Variants in TNRC6A observed in about 807,000 individuals in gnomAD.
TNRC6A encodes trinucleotide repeat containing adaptor 6A.
A neutral mutation model predicts 221.2 loss-of-function variants in TNRC6A; 44 were observed. That is an observed-to-expected ratio of 0.20 (90% CI 0.16 to 0.26). The LOEUF (loss-of-function observed/expected upper bound fraction) is 0.26. Among genes scored for constraint, TNRC6A ranks in the 10% least tolerant of loss-of-function variants. The probability of loss-of-function intolerance (pLI) is 1.00; values close to 1 mark genes in which losing one functional copy is unlikely to be tolerated. For synonymous variants in TNRC6A, 847 were observed against 838.5 expected (o/e 1.01, Z -0.18); for missense variants, 2,199 against 2,404.4 (o/e 0.91, Z 1.79).
chr16:24,631,930 A>G (rs1008791284), intron 1 of TNRC6A, among the ~76,000 whole-genome samples: 10 of 151,990 alleles, frequency 6.6e-5, no homozygotes, highest in Admixed American at 5.2e-4. Context: ...TAGATCATAG[A>G]TCACTGCAGC....
chr16:24,615,434 T>A (rs1281229373), intron 1 of TNRC6A, among the ~76,000 whole-genome samples: 1 of 152,052 alleles, frequency 6.6e-6, no homozygotes, highest in Non-Finnish European at 1.5e-5. Context: ...CCAGCTGAGA[T>A]CACTTAGAGA....
chr16:24,766,674 CTTTTTTTTTTT>C (rs397972605), intron 4 of TNRC6A, among the ~76,000 whole-genome samples: 1 of 121,414 alleles, frequency 8.2e-6, no homozygotes, highest in Non-Finnish European at 1.7e-5. Flanking sequence ...TTCTTTTTAT[CTTTTTTTTTTT>C]TTTTTTTTTG....
At position 24,820,055 on chromosome 16, in the gene TNRC6A, G is replaced by A; in HGVS notation, c.5081-84G>A. 6 of 1,288,536 alleles carry A rather than the reference G, an allele frequency of 4.7e-6. No homozygotes were observed. In the South Asian group the frequency reaches 8.0e-5, roughly 17 times the overall value. The allele number at this position is 1,288,536 out of a possible 1,614,324, so 79.8% of individuals were successfully genotyped here. ...CTTTTGTTTGTTAGATTTGCTTTTTGTGGGAGAATGGATGTCATTATTTAA... is the reference window on the plus strand; with the variant it reads ...CTTTTGTTTGTTAGATTTGCTTTTTATGGGAGAATGGATGTCATTATTTAA... On this transcript the variant is annotated intron_variant, in intron 21 of 24. Coordinates refer to ENST00000395799, the MANE Select transcript of TNRC6A (RefSeq NM_014494.4).
intron 1 of TNRC6A, among the ~76,000 whole-genome samples, chr16:24,639,722 C>T (rs564345094): frequency 1.3e-5 from 2 of 152,220 alleles, no homozygotes; most frequent in East Asian, 3.9e-4. Context: ...CTCACTGTAG[C>T]CTCCATCTCC....
At chr16:24,694,950 T>C (rs2055828442) in intron 2 of TNRC6A, among the ~76,000 whole-genome samples, 1 of 152,088 alleles carries the variant, frequency 6.6e-6, no homozygotes, top group South Asian at 2.1e-4. Flanking sequence ...TTGGAATCAC[T>C]GTGAGCCATC....
intron 1 of TNRC6A, among the ~76,000 whole-genome samples, chr16:24,617,703 A>G (rs1372294272): frequency 2.6e-5 from 4 of 151,994 alleles, no homozygotes; most frequent in South Asian, 2.1e-4. Flanking sequence ...TAAATAACTC[A>G]CCCAGAGTCA....
At chr16:24,668,327 A>G (rs945437769) in intron 2 of TNRC6A, among the ~76,000 whole-genome samples, 82 of 152,096 alleles carry the variant, frequency 5.4e-4, no homozygotes, top group African/African-American at 1.9e-3. Flanking sequence ...CTGGGCAACA[A>G]AAGCAAAACT....
chr16:24,816,473 T>A (rs1775640998), intron 19 of TNRC6A: 2 of 192,758 alleles, frequency 1.0e-5, no homozygotes, highest in African/African-American at 4.7e-5. Context: ...ACCACTACAC[T>A]CCAACCTGGG....
chr16:24,738,845 TTTTG>T, intron 2 of TNRC6A, among the ~76,000 whole-genome samples: 1 of 152,294 alleles, frequency 6.6e-6, no homozygotes, highest in Admixed American at 6.5e-5. Context: ...TTTGTTTAAC[TTTTG>T]TTTGTGTTGT....
chr16:24,812,316 T>C (rs2058563419), intron 18 of TNRC6A, among the ~76,000 whole-genome samples: 1 of 152,108 alleles, frequency 6.6e-6, no homozygotes, highest in South Asian at 2.1e-4. Flanking sequence ...CCTGCCAAAG[T>C]GCTGAGATTA....
chr16:24,643,902 T>C (rs1177267019), intron 2 of TNRC6A, among the ~76,000 whole-genome samples: 1 of 152,112 alleles, frequency 6.6e-6, no homozygotes, highest in African/African-American at 2.4e-5. Context: ...TTCTTGAACT[T>C]GGCTCCTTCA....
chr16:24,804,281 A>G lies in TNRC6A; in HGVS notation c.3799A>G (p.Lys1267Glu), dbSNP rs1158618908. The G allele has an allele frequency of 1.2e-6, 2 of 1,613,656 alleles. No homozygotes were observed. The highest frequency in any genetic ancestry group is 4.5e-5 in the East Asian group (2 of 44,882). Reference protein sequence around the residue: ...KGPGSRPQISKESSMERNPYF... With the variant: ...KGPGSRPQISEESSMERNPYF... Reference sequence around the variant, plus strand: ...CCCTGGTTCTCGGCCTCAGATTTCCAAAGAGTCTTCCATGGAGCGCAATCC... The same window carrying G: ...CCCTGGTTCTCGGCCTCAGATTTCCGAAGAGTCTTCCATGGAGCGCAATCC... Residue 1267 changes from lysine to glutamate, a missense_variant, in exon 12 of 25, where the codon AAA (lysine) becomes GAA (glutamate). Around this residue, in one of 8 missense-constraint regions of TNRC6A, gnomAD observed 158 missense variants for 159.1 expected, o/e 0.99. Coordinates refer to ENST00000395799, the MANE Select transcript of TNRC6A (RefSeq NM_014494.4).
intron 2 of TNRC6A, among the ~76,000 whole-genome samples, chr16:24,654,561 G>A (rs190300287): frequency 1.8e-4 from 27 of 151,882 alleles, no homozygotes; most frequent in African/African-American, 4.6e-4. Flanking sequence ...ACAAAAATTC[G>A]CCAAGCATGG....
At chr16:24,743,055 G>GT (rs1249915733) in intron 2 of TNRC6A, among the ~76,000 whole-genome samples, 1 of 152,180 alleles carries the variant, frequency 6.6e-6, no homozygotes, top group Non-Finnish European at 1.5e-5. Context: ...TAGGATTTGG[G>GT]TGGGTAGATG....
chr16:24,660,508 C>T (rs994895490), intron 2 of TNRC6A, among the ~76,000 whole-genome samples: 7 of 151,930 alleles, frequency 4.6e-5, no homozygotes, highest in African/African-American at 1.7e-4. Flanking sequence ...GTTGATTCCA[C>T]ATTTTTGCAG....
Position 24,822,183 on chromosome 16 carries a change from G to A in TNRC6A, c.5373+36G>A, listed in dbSNP as rs546501242. The A allele has an allele frequency of 1.4e-5, 22 of 1,603,484 alleles. No individual in the cohort carries two copies. In the South Asian group the frequency reaches 1.9e-4, roughly 14 times the overall value. ...CAGATACGCTGGTTTATGTGGCTAC[G>A]CCAGGGAGCATGGGAACAGAGGTTC... On this transcript the variant is annotated intron_variant, in intron 23 of 24. Transcript: ENST00000395799.
chr16:24,678,154 A>G (rs970704931), intron 2 of TNRC6A, among the ~76,000 whole-genome samples: 18 of 152,120 alleles, frequency 1.2e-4, no homozygotes, highest in Admixed American at 9.8e-4. Context: ...TACTAAAAAT[A>G]CAAAAGATTA....
intron 2 of TNRC6A, among the ~76,000 whole-genome samples, chr16:24,645,749 CA>C (rs889294985): frequency 6.9e-6 from 1 of 144,766 alleles, no homozygotes; most frequent in Non-Finnish European, 1.5e-5. Flanking sequence ...GTAATCCCAG[CA>C]CTTTGGGAGG....
intron 3 of TNRC6A, among the ~76,000 whole-genome samples, chr16:24,756,196 A>C (rs2057246202): frequency 6.6e-6 from 1 of 152,154 alleles, no homozygotes; most frequent in African/African-American, 2.4e-5. Flanking sequence ...AAATATTAGA[A>C]ATTTGGTGTG....
Sources: allele counts gnomAD v4.1 joint callset (sites outside exome capture counted in the v4.1 genomes callset), GRCh38; gene constraint gnomAD v4.1.1; regional missense constraint gnomAD v4.1.1; transcripts MANE v1.5; gene names NCBI Gene and HGNC (gene_info 2026-07-23, HGNC 2026-07-21).